The following IL1R1 variants were observed in gnomAD, a reference collection of about 807,000 sequenced individuals.
IL1R1 encodes interleukin 1 receptor type 1.
IL1R1 carries 22 observed loss-of-function variants against 50.2 expected under a neutral mutation model. That is an observed-to-expected ratio of 0.44 (90% confidence interval 0.31 to 0.63). The LOEUF (loss-of-function observed/expected upper bound fraction) is 0.63. IL1R1 is among the 20% of genes least tolerant of loss of function. The pLI, the probability that IL1R1 is intolerant of heterozygous loss-of-function variation, is 0.07. For synonymous variants in IL1R1, 251 were observed against 236.7 expected, an observed-to-expected ratio of 1.06 and a Z score of -0.55; for missense variants, 509 against 676.2, an observed-to-expected ratio of 0.75 and a Z score of 2.74.
chr2:102,165,217 C>T lies in IL1R1; in HGVS notation c.399C>T (p.Pro133=), dbSNP rs201933023. Residue 133 remains proline (P), a synonymous_variant, in exon 5 of 12, where the codon CCC becomes CCT. Transcript: ENST00000410023. ...NAQAIFKQKL[P]VAGDGGLVCP... ...AAGCCATATTTAAGCAGAAACTACCCGTTGCAGGAGACGGAGGACTTGTGT... is the reference window on the plus strand; with the variant it reads ...AAGCCATATTTAAGCAGAAACTACCTGTTGCAGGAGACGGAGGACTTGTGT... 82 of 1,607,556 alleles carry T rather than the reference C, an allele frequency of 5.1e-5. No individual in the cohort carries two copies. Among genetic ancestry groups the T allele is most frequent in the Non-Finnish European group, 5.8e-5 (68 of 1,177,698 alleles).
chr2:102,125,083 C>A (rs555657434), intron 1 of IL1R1, among the ~76,000 whole-genome samples: 13 of 152,186 alleles, frequency 8.5e-5, no homozygotes, highest in Admixed American at 3.3e-4. Context: ...AAACCATATC[C>A]TCACCCTTGC....
intron 8 of IL1R1, chr2:102,172,473 C>T: frequency 1.7e-6 from 2 of 1,187,332 alleles, no homozygotes; most frequent in African/African-American, 1.6e-5. Flanking sequence ...TTTTTGCTTT[C>T]TCTGCTACTG....
chr2:102,090,236 G>A (rs115691865), intron 1 of IL1R1, among the ~76,000 whole-genome samples: 1,782 of 150,590 alleles, frequency 0.012, 37 homozygotes, highest in African/African-American at 0.042. Context: ...AGTTTTGGGT[G>A]CAGGAACCTA....
chr2:102,173,288 G>T (rs1685848001), intron 9 of IL1R1, among the ~76,000 whole-genome samples: 1 of 152,180 alleles, frequency 6.6e-6, no homozygotes, highest in South Asian at 2.1e-4. Context: ...GAGGACATCA[G>T]AAGTCACTGG....
chr2:102,076,557 T>C (rs1678970403), intron 1 of IL1R1, among the ~76,000 whole-genome samples: 1 of 152,226 alleles, frequency 6.6e-6, no homozygotes, highest in South Asian at 2.1e-4. Flanking sequence ...TTTATCTTCA[T>C]TTCTGAAAGA....
intron 1 of IL1R1, 115 bp downstream of exon 1, chr2:102,143,135 T>G (rs1682820065): frequency 6.6e-6 from 1 of 152,450 alleles, no homozygotes; most frequent in African/African-American, 2.4e-5. Flanking sequence ...TAAGTTGCAC[T>G]TGGTTGTCAG....
chr2:102,168,803 TTA>T (rs879482834), intron 7 of IL1R1, 140 bp downstream of exon 7: 42 of 612,426 alleles, frequency 6.9e-5, no homozygotes, highest in Non-Finnish European at 1.1e-4. Flanking sequence ...GTGAGACAAA[TTA>T]TATCTTAATT....
At chr2:102,105,908 AATTTATCCTTGATCTCC>A (rs1185603626) in intron 1 of IL1R1, among the ~76,000 whole-genome samples, 2 of 152,140 alleles carry the variant, frequency 1.3e-5, no homozygotes, top group Non-Finnish European at 2.9e-5. Context: ...TGATCTCCAT[AATTTATCCTTGATCTCC>A]ATTTATCCTT....
intron 1 of IL1R1, among the ~76,000 whole-genome samples, chr2:102,074,925 A>AAT (rs369198941): frequency 5.9e-5 from 9 of 151,946 alleles, no homozygotes; most frequent in East Asian, 1.9e-4. Context: ...CATTTTATTA[A>AAT]ATATATATAT....
At chr2:102,165,042 C>T (rs182067705) in intron 4 of IL1R1, 34 bp downstream of exon 4, 3 of 1,581,742 alleles carry the variant, frequency 1.9e-6, no homozygotes, top group Admixed American at 1.7e-5. Context: ...CAAACATGTT[C>T]TAGTTTCCTG....
chr2:102,115,576 A>AG (rs1681024683), intron 1 of IL1R1, among the ~76,000 whole-genome samples: 1 of 152,172 alleles, frequency 6.6e-6, no homozygotes, highest in African/African-American at 2.4e-5. Context: ...GTGCCATCAG[A>AG]GAGGGGGAGA....
upstream of IL1R1, among the ~76,000 whole-genome samples, chr2:102,104,141 G>A (rs972651818): frequency 6.6e-6 from 1 of 152,164 alleles, no homozygotes; most frequent in African/African-American, 2.4e-5. Context: ...GTGTGGTGAA[G>A]GGAGACTTCC....
intron 1 of IL1R1, among the ~76,000 whole-genome samples, chr2:102,105,837 C>T (rs973013827): frequency 5.3e-5 from 8 of 152,170 alleles, no homozygotes; most frequent in Non-Finnish European, 1.2e-4. Context: ...GCACCTATAG[C>T]TATAGAGAAG....
intron 1 of IL1R1, among the ~76,000 whole-genome samples, chr2:102,080,603 A>G (rs1679162215): frequency 6.6e-6 from 1 of 152,228 alleles, no homozygotes. Flanking sequence ...TGGTACACTC[A>G]TTTATTACTG....
chr2:102,141,698 C>G (rs938484037), upstream of IL1R1: 1 of 152,318 alleles, frequency 6.6e-6, no homozygotes, highest in South Asian at 2.1e-4. Flanking sequence ...CAAGAGCCTG[C>G]CCAGTCTGAA....
intron 1 of IL1R1, among the ~76,000 whole-genome samples, chr2:102,073,099 A>G (rs1678806625): frequency 6.6e-6 from 1 of 152,164 alleles, no homozygotes; most frequent in African/African-American, 2.4e-5. Flanking sequence ...CTATTCGCAA[A>G]ACTCAGTAAA....
intron 1 of IL1R1, among the ~76,000 whole-genome samples, chr2:102,072,055 C>T (rs1463494612): frequency 2.6e-5 from 4 of 151,800 alleles, no homozygotes; most frequent in South Asian, 2.1e-4. Flanking sequence ...GTCAGGAGTT[C>T]GAGACCACCC....
chr2:102,077,838 T>C (rs934747854), intron 1 of IL1R1, among the ~76,000 whole-genome samples: 1 of 152,152 alleles, frequency 6.6e-6, no homozygotes, highest in Non-Finnish European at 1.5e-5. Context: ...CAATGCTTAG[T>C]ACACTAAAAA....
At chr2:102,163,728 TG>T in intron 3 of IL1R1, among the ~76,000 whole-genome samples, 1 of 152,196 alleles carries the variant, frequency 6.6e-6, no homozygotes, top group Non-Finnish European at 1.5e-5. Context: ...TCCTTATCGT[TG>T]GTTGTATGTT....
Sources: allele counts gnomAD v4.1 joint callset (sites outside exome capture counted in the v4.1 genomes callset), GRCh38; gene constraint gnomAD v4.1.1; transcripts MANE v1.5; gene names NCBI Gene and HGNC (gene_info 2026-07-23, HGNC 2026-07-21).